The following ZNF653 variants were observed in gnomAD, a reference collection of about 807,000 sequenced individuals.
ZNF653 encodes 67 kDa zinc finger protein.
In ZNF653, 37 loss-of-function variants were observed where a neutral mutation model predicts 59.9. That is an observed-to-expected ratio of 0.62 (90% CI 0.48 to 0.81). ZNF653 has a LOEUF of 0.81. ZNF653 is among the 40% of genes least tolerant of loss of function. The probability of loss-of-function intolerance (pLI) is 0.00; values close to 1 mark genes in which losing one functional copy is unlikely to be tolerated. For synonymous variants in ZNF653, 435 were observed against 371.8 expected (o/e 1.17, Z -1.96); for missense variants, 808 against 881.1 (o/e 0.92, Z 1.05).
intron 7 of ZNF653, 136 bp from the exon 8 acceptor site, chr19:11,484,277 C>T: frequency 1.4e-6 from 1 of 696,294 alleles, no homozygotes; most frequent in Non-Finnish European, 2.5e-6. Context: ...CCGACCAAAC[C>T]CTACGTCCTT....
chr19:11,487,192 G>A lies in ZNF653; in HGVS notation c.1172-34C>T. 1 of 1,606,132 alleles carries A rather than the reference G, an allele frequency of 6.2e-7. No homozygotes were observed. The highest frequency in any genetic ancestry group is 8.5e-7 in the Non-Finnish European group (1 of 1,177,462). ...TGGACACAGGGTGGTGTCCGCAGGG[G>A]ACGAAGGCTGCCGAGGTGCCCACTT... On this transcript the variant is annotated intron_variant, in intron 4 of 8. Transcript: ENST00000293771. This position sits in a 1 kb window ranked among gnomAD's most constrained non-coding sequence, Gnocchi z 5.1.
At position 11,505,645 on chromosome 19, in the gene ZNF653, G is replaced by A. The variant is rs1568399215; in HGVS notation, c.142C>T (p.Arg48Trp). Residue 48 changes from arginine (R) to tryptophan (W), a missense_variant, in exon 1 of 9, where the codon CGG becomes TGG. Arg to Trp is a moderately radical substitution (Grantham distance 101). Coordinates refer to ENST00000293771, the MANE Select transcript of ZNF653 (RefSeq NM_138783.4). ...RLTESDRARR[R>W]LESRKKYDVR... ...TCGTACTTCTTCCGGGACTCGAGCC[G>A]TCGCCGGGCCCGGTCCGACTCCGTG... 1 of 1,497,806 alleles carries A rather than the reference G, an allele frequency of 6.7e-7. No homozygotes were observed. The highest frequency in any genetic ancestry group is 1.3e-5 in the South Asian group (1 of 79,774). The allele number at this position is 1,497,806 out of a possible 1,614,324, so 92.8% of individuals were successfully genotyped here.
At chr19:11,499,281 T>C (rs932135398) in intron 1 of ZNF653, among the ~76,000 whole-genome samples, 7 of 152,208 alleles carry the variant, frequency 4.6e-5, no homozygotes, top group African/African-American at 1.4e-4. Context: ...ACAGTTCTGC[T>C]GGGACACATG....
rs962126124 is a variant in ZNF653, at chr19:11,484,206, C to T, written c.1571-65G>A. 1.9e-5 allele frequency: 24 copies of T among 1,265,960 alleles called. 1 individual carries two copies. The South Asian group carries it at 2.4e-4, about 13-fold the overall frequency. The allele number at this position is 1,265,960 out of a possible 1,614,324, so 78.4% of individuals were successfully genotyped here. A position where few individuals can be genotyped will look rare whatever the true frequency, so the allele number is the denominator to read the frequency against. The stretch of plus-strand genomic sequence containing the variant: ...TGGGGTGTCTCTGATGTGCTGCAGA[C>T]TCTGATGCTAGAAGGAGCATCAGGC... On this transcript the variant is annotated intron_variant, in intron 7 of 8. Transcript: ENST00000293771.
intron 1 of ZNF653, chr19:11,500,830 T>C (rs1050829447): frequency 2.6e-5 from 4 of 152,256 alleles, no homozygotes; most frequent in African/African-American, 9.7e-5. Flanking sequence ...GAAGTGGAAA[T>C]AGTAGTAGTG....
chr19:11,494,214 A>G (rs1416276425), intron 3 of ZNF653, among the ~76,000 whole-genome samples: 1 of 150,722 alleles, frequency 6.6e-6, no homozygotes, highest in African/African-American at 2.4e-5. Flanking sequence ...CCCAGCTACT[A>G]GGGAGGCTGA....
In ZNF653 at chr19:11,505,724, C is replaced by T; in HGVS notation, c.63G>A (p.Glu21=). The change falls in exon 1 of 9, where the codon GAG becomes GAA. Residue 21 remains glutamate (E), a synonymous_variant. Transcript: ENST00000293771. ...EAEAEAGAGG[E]AAAEEGAAGR... is the part of the protein sequence containing the mutation. The stretch of plus-strand genomic sequence containing the variant: ...CCGCTGCGCCCTCCTCGGCTGCTGC[C>T]TCCCCGCCCGCGCCCGCCTCAGCCT... 6.8e-7 allele frequency: 1 copy of T among 1,465,116 alleles called. No homozygotes were observed. The highest frequency in any genetic ancestry group is 1.3e-5 in the South Asian group (1 of 75,368). 90.8% of individuals were successfully genotyped at this position (1,465,116 alleles called of 1,614,324 possible).
At chr19:11,504,589 G>A (rs1971686617) in intron 1 of ZNF653, 1 of 985,016 alleles carries the variant, frequency 1.0e-6, no homozygotes, top group Non-Finnish European at 1.2e-6. Flanking sequence ...TAACTTAGCA[G>A]GATCTGTTTG....
chr19:11,490,629 G>C (rs781301435), intron 3 of ZNF653, among the ~76,000 whole-genome samples: 41 of 151,944 alleles, frequency 2.7e-4, no homozygotes, highest in Admixed American at 1.8e-3. Flanking sequence ...CTGACCTCAG[G>C]TGATCTGCCC....
At chr19:11,488,817 C>T (rs1347343506) in intron 3 of ZNF653, among the ~76,000 whole-genome samples, 1 of 151,680 alleles carries the variant, frequency 6.6e-6, no homozygotes, top group Non-Finnish European at 1.5e-5. Context: ...AGGATGGTCT[C>T]GATCTCCTGA....
At chr19:11,502,323 C>G (rs1357713046) in intron 1 of ZNF653, among the ~76,000 whole-genome samples, 3 of 149,792 alleles carry the variant, frequency 2.0e-5, no homozygotes, top group African/African-American at 7.4e-5. Context: ...AATTCCTGAC[C>G]TCAAGAGATC....
intron 7 of ZNF653, among the ~76,000 whole-genome samples, chr19:11,484,700 C>G (rs1277509634): frequency 1.3e-5 from 2 of 152,048 alleles, no homozygotes; most frequent in Non-Finnish European, 2.9e-5. Flanking sequence ...CACGCCCGGC[C>G]TTGTCCCTGA....
chr19:11,484,468 C>T (rs1971444079), intron 7 of ZNF653, among the ~76,000 whole-genome samples: 1 of 152,082 alleles, frequency 6.6e-6, no homozygotes, highest in Admixed American at 6.5e-5. Flanking sequence ...ATGGCCCGAT[C>T]TCGGCTTACC....
In ZNF653 at chr19:11,505,469, C is replaced by T. The variant is rs768320279; in HGVS notation, c.299+19G>A. 5 of 1,444,168 alleles carry T rather than the reference C, an allele frequency of 3.5e-6. No homozygotes were observed. The African/African-American group carries it at 6.0e-5, about 17-fold the overall frequency. 89.5% of individuals were successfully genotyped at this position (1,444,168 alleles called of 1,614,324 possible). ...GGGGGCGTCTCCTCCCTCCCTCCCT[C>T]GGGGCCAGGCCCCCTCACCCGTGGC... On this transcript the variant is annotated intron_variant, in intron 1 of 8. Coordinates refer to ENST00000293771, the MANE Select transcript of ZNF653 (RefSeq NM_138783.4).
At chr19:11,498,960 G>A (rs996307305) in intron 1 of ZNF653, among the ~76,000 whole-genome samples, 1 of 152,108 alleles carries the variant, frequency 6.6e-6, no homozygotes, top group Non-Finnish European at 1.5e-5. Context: ...TCTGACCTCA[G>A]GTGATCCGCC....
chr19:11,504,585 A>G, intron 1 of ZNF653: 1 of 985,254 alleles, frequency 1.0e-6, no homozygotes. Context: ...GGTATAACTT[A>G]GCAGGATCTG....
At position 11,487,593 on chromosome 19, in the gene ZNF653, G is replaced by A. The variant is rs372119454; in HGVS notation, c.870C>T (p.Ser290=). ...CCTGGGGCACGTTCTCAAAGAGGGCGCTGGGGCCCGCACCCACTTGCACAG... is the reference window on the plus strand; with the variant it reads ...CCTGGGGCACGTTCTCAAAGAGGGCACTGGGGCCCGCACCCACTTGCACAG... ...PVPVQVGAGP[S]ALFENVPQEA... is the part of the protein sequence containing the mutation. Residue 290 remains serine (S), a synonymous_variant, in exon 4 of 9, where the codon AGC becomes AGT. Coordinates refer to ENST00000293771, the MANE Select transcript of ZNF653 (RefSeq NM_138783.4). This position sits in a 1 kb window ranked among gnomAD's most constrained non-coding sequence, Gnocchi z 5.1. 79 of 1,613,896 alleles carry A rather than the reference G, an allele frequency of 4.9e-5. No homozygotes were observed. Among genetic ancestry groups the A allele is most frequent in the East Asian group, 4.0e-4 (18 of 44,876 alleles).
chr19:11,503,697 T>G lies in ZNF653; in HGVS notation c.299+1791A>C, dbSNP rs146408932. Among the ~76,000 whole-genome samples, 498 of 151,776 alleles carry G rather than the reference T, an allele frequency of 3.3e-3. 4 individuals are homozygous for G. The highest frequency in any genetic ancestry group is 0.012 in the African/African-American group (482 of 41,338). On this transcript the variant is annotated intron_variant, in intron 1 of 8. Transcript: ENST00000293771. ...GTGGCTCCTCTGTAGTCCCAGCTAC[T>G]TGGGAGACTGAGGCAGGAGGATCCC... is the stretch of plus-strand genomic sequence containing the variant.
At position 11,495,293 on chromosome 19, in the gene ZNF653, G is replaced by A. The variant is rs980838542; in HGVS notation, c.559+657C>T. On this transcript the variant is annotated intron_variant, in intron 3 of 8. Coordinates refer to ENST00000293771, the MANE Select transcript of ZNF653 (RefSeq NM_138783.4). This position sits in a 1 kb window ranked among gnomAD's most constrained non-coding sequence, Gnocchi z 4.9. Reference sequence around the variant, plus strand: ...GATGGGAAGGAGAGAGGCAGGGACCGCGAAGGTGGGGAGGGAGGAGGAGAA... The same window carrying A: ...GATGGGAAGGAGAGAGGCAGGGACCACGAAGGTGGGGAGGGAGGAGGAGAA... Among the ~76,000 whole-genome samples the A allele has an allele frequency of 6.6e-6, 1 of 152,116 alleles. No individual in the cohort carries two copies.
Sources: gnomAD v4.1 joint callset for allele counts (sites outside exome capture counted in the v4.1 genomes callset) on GRCh38, gnomAD v4.1.1 for gene constraint, Gnocchi (gnomAD v3.1) non-coding constraint, MANE v1.5 for transcripts, NCBI Gene and HGNC (gene_info 2026-07-23, HGNC 2026-07-21) for gene names.